GLIS3: variants seen among roughly 807,000 people sequenced by gnomAD.
The protein encoded by GLIS3 is GLIS family zinc finger 3.
GLIS3 carries 53 observed loss-of-function variants against 78.6 expected under a neutral mutation model. That is an observed-to-expected ratio of 0.67 (90% CI 0.54 to 0.85). The LOEUF (loss-of-function observed/expected upper bound fraction) is 0.85. Among genes scored for constraint, GLIS3 ranks in the 40% least tolerant of loss-of-function variants. GLIS3 has a pLI of 0.00. For missense variants in GLIS3, 1,703 were observed against 1,231.1 expected (o/e 1.38, Z -5.74); for synonymous variants, 684 against 509.9 (o/e 1.34, Z -4.60).
chr9:4,182,088 C>CA (rs1817378419), intron 2 of GLIS3, among the ~76,000 whole-genome samples: 1 of 152,196 alleles, frequency 6.6e-6, no homozygotes, highest in Non-Finnish European at 1.5e-5. Context: ...TGAGCTATTA[C>CA]ATGCCAACGA....
At chr9:4,303,597 C>A (rs1044575356), upstream of GLIS3, among the ~76,000 whole-genome samples, 1 of 152,156 alleles carries the variant, frequency 6.6e-6, no homozygotes, top group Non-Finnish European at 1.5e-5. Flanking sequence ...AACATCATAC[C>A]TCTTTTCCTT....
At chr9:4,233,244 CCCAAGTTATAG>C (rs1250152901) in intron 2 of GLIS3, among the ~76,000 whole-genome samples, 1 of 152,118 alleles carries the variant, frequency 6.6e-6, no homozygotes, top group African/African-American at 2.4e-5. Context: ...ATTCAAACAC[CCCAAGTTATAG>C]CTGGCCACTG....
chr9:4,061,709 G>C (rs183766421), intron 4 of GLIS3, among the ~76,000 whole-genome samples: 1 of 152,090 alleles, frequency 6.6e-6, no homozygotes, highest in African/African-American at 2.4e-5. Flanking sequence ...ATTATCAAAA[G>C]CTTCATGATA....
intron 2 of GLIS3, among the ~76,000 whole-genome samples, chr9:4,244,680 T>C (rs1823633629): frequency 6.6e-6 from 1 of 152,170 alleles, no homozygotes. Flanking sequence ...GTTCAAGTGA[T>C]TCTCCTGCCT....
intron 9 of GLIS3, among the ~76,000 whole-genome samples, chr9:3,847,788 A>G (rs978035490): frequency 6.6e-6 from 1 of 152,242 alleles, no homozygotes; most frequent in Admixed American, 6.5e-5. Flanking sequence ...CTCAAGTACT[A>G]CTTATGTAAA....
At position 4,237,452 on chromosome 9, in the gene GLIS3, T is replaced by C. The variant is rs527817074; in HGVS notation, c.388+48586A>G. On this transcript the variant is annotated intron_variant, in intron 2 of 10. Transcript: ENST00000381971. ...AAATATGCAAAAAATAAAAAAGTAG[T>C]AGTTTTACATGAAAGATAGATGAAA... 3.3e-5 allele frequency among the ~76,000 whole-genome samples: 5 copies of C among 152,314 alleles called. No homozygotes were observed. In the South Asian group the frequency reaches 1.0e-3, roughly 32 times the overall value.
intron 8 of GLIS3, among the ~76,000 whole-genome samples, chr9:3,857,654 T>C (rs963004710): frequency 7.2e-5 from 11 of 152,222 alleles, no homozygotes; most frequent in Non-Finnish European, 1.5e-4. Flanking sequence ...GCCTGTTTAA[T>C]TGATCATTTA....
At chr9:4,359,883 G>A in the GLIS3 span, among the ~76,000 whole-genome samples, 1 of 151,616 alleles carries the variant, frequency 6.6e-6, no homozygotes, top group Non-Finnish European at 1.5e-5. Flanking sequence ...GTTCTATGCT[G>A]AGATGAATGT....
At chr9:4,222,984 G>T (rs531797419) in intron 2 of GLIS3, among the ~76,000 whole-genome samples, 1 of 151,978 alleles carries the variant, frequency 6.6e-6, no homozygotes, top group African/African-American at 2.4e-5. Context: ...TGTTCCTTAG[G>T]GAATTAGGGA....
At chr9:4,254,795 G>A (rs558808380) in intron 2 of GLIS3, among the ~76,000 whole-genome samples, 30 of 150,364 alleles carry the variant, frequency 2.0e-4, no homozygotes, top group African/African-American at 6.1e-4. Context: ...AGCCAAGACC[G>A]TGCCACTGCA....
chr9:4,354,985 G>C, the GLIS3 span, among the ~76,000 whole-genome samples: 10 of 151,840 alleles, frequency 6.6e-5, no homozygotes, highest in Non-Finnish European at 1.3e-4. Context: ...GCGTGGTGGC[G>C]GGTGCCTGTA....
chr9:4,309,278 G>C (rs1311916703), intron 3 of GLIS3, among the ~76,000 whole-genome samples: 2 of 152,098 alleles, frequency 1.3e-5, no homozygotes, highest in Non-Finnish European at 2.9e-5. Flanking sequence ...CAAAGAAAAA[G>C]CAAGAAATAA....
At chr9:3,961,377 C>A (rs939091362) in intron 4 of GLIS3, among the ~76,000 whole-genome samples, 19 of 152,118 alleles carry the variant, frequency 1.2e-4, no homozygotes, top group Non-Finnish European at 2.9e-5. Context: ...GATATGTGAC[C>A]AAAATATACT....
At chr9:3,935,371 C>G (rs374338435) in intron 5 of GLIS3, among the ~76,000 whole-genome samples, 2 of 151,786 alleles carry the variant, frequency 1.3e-5, no homozygotes, top group African/African-American at 4.8e-5. Flanking sequence ...GTTTTAAAAG[C>G]GATTGCATTA....
rs376530832 is a variant in GLIS3 at position 3,985,046 on chromosome 9, G to C, written c.1711-47857C>G. Among the ~76,000 whole-genome samples, 5 of 151,214 alleles carry C rather than the reference G, an allele frequency of 3.3e-5. No individual in the cohort carries two copies. The East Asian group carries it at 5.8e-4, about 18-fold the overall frequency. On this transcript the variant is annotated intron_variant, in intron 4 of 10. Transcript: ENST00000381971. ...TCTTTTGTAAATTGCCCAGTCTCAG[G>C]TATGTCTTCATCAGCAGTGTAAGAA...
chr9:4,461,921 AG>A, the GLIS3 span, among the ~76,000 whole-genome samples: 201 of 152,372 alleles, frequency 1.3e-3, 1 homozygote, highest in African/African-American at 4.6e-3. Flanking sequence ...AGAATGAGAA[AG>A]GGCTTTGTAG....
chr9:4,292,342 T>C (rs1326705037), intron 1 of GLIS3, among the ~76,000 whole-genome samples: 3 of 152,182 alleles, frequency 2.0e-5, no homozygotes, highest in Non-Finnish European at 4.4e-5. Context: ...TGGGTATACC[T>C]ATCTGCCCAT....
chr9:3,953,473 C>T (rs999834080), intron 4 of GLIS3, among the ~76,000 whole-genome samples: 20 of 152,160 alleles, frequency 1.3e-4, no homozygotes, highest in Non-Finnish European at 2.8e-4. Context: ...TTTACACTGA[C>T]TTCCACATCT....
chr9:3,941,195 T>C (rs1316859877), intron 4 of GLIS3, among the ~76,000 whole-genome samples: 1 of 152,048 alleles, frequency 6.6e-6, no homozygotes, highest in African/African-American at 2.4e-5. Flanking sequence ...AGTAAAGCAT[T>C]TTGCAGAATC....
Sources: allele counts gnomAD v4.1 joint callset (sites outside exome capture counted in the v4.1 genomes callset), GRCh38; gene constraint gnomAD v4.1.1; transcripts MANE v1.5; gene names NCBI Gene and HGNC (gene_info 2026-07-23, HGNC 2026-07-21).